DOCK6: variants seen among roughly 807,000 people sequenced by gnomAD.
The protein encoded by DOCK6 is dedicator of cytokinesis 6.
In DOCK6, 167 loss-of-function variants were observed where a neutral mutation model predicts 230.3. The ratio of observed to expected loss-of-function variants is 0.73; its 90% CI spans 0.64 to 0.82. DOCK6 has a LOEUF of 0.82. Ranked by LOEUF, DOCK6 falls within the 40% of genes least tolerant of loss-of-function variation. DOCK6 has a pLI of 0.00. For missense variants in DOCK6, 2,598 were observed against 2,825.8 expected, an observed-to-expected ratio of 0.92 and a Z score of 1.83; for synonymous variants, 1,148 against 1,185.0, an observed-to-expected ratio of 0.97 and a Z score of 0.64.
In DOCK6 at chr19:11,215,785, T is replaced by A. The variant is rs1244033031; in HGVS notation, c.4021+16A>T. On this transcript the variant is annotated intron_variant, in intron 31 of 47. Transcript: ENST00000294618. ...AGCTGGTGGGATGGGGACACGTGGGTATGTCACCCTCTTACCACGACTTCG... is the reference window on the plus strand; with the variant it reads ...AGCTGGTGGGATGGGGACACGTGGGAATGTCACCCTCTTACCACGACTTCG... The A allele has an allele frequency of 6.2e-7, 1 of 1,613,886 alleles. No individual in the cohort carries two copies. Among genetic ancestry groups the A allele is most frequent in the South Asian group, 1.1e-5 (1 of 91,074 alleles).
Position 11,200,784 on chromosome 19 carries a change from G to C in DOCK6, c.5871C>G (p.Ile1957Met). 1.9e-6 allele frequency: 3 copies of C among 1,613,428 alleles called. No homozygotes were observed. The East Asian group carries it at 6.7e-5, about 36-fold the overall frequency. The change falls in exon 46 of 48, where the codon ATC becomes ATG. Residue 1957 changes from isoleucine (I) to methionine (M), a missense_variant. Transcript: ENST00000294618. The surrounding 1 kb of genome is among the most constrained non-coding windows in gnomAD (Gnocchi z 4.3). ...LEVAQVFLAE[I>M]PEDPKLFRHH... is the part of the protein sequence containing the mutation. ...GCCGGAAGAGCTTGGGGTCTTCCGG[G>C]ATCTCTGCTAAAAACACCTGGGCCA... is the stretch of plus-strand genomic sequence containing the variant.
At chr19:11,237,335 G>C (rs1238533659) in intron 18 of DOCK6, 121 bp downstream of exon 18, 4 of 1,014,324 alleles carry the variant, frequency 3.9e-6, no homozygotes, top group Non-Finnish European at 6.1e-6. Context: ...AGCTACACGG[G>C]GGCCCTGGAG....
Position 11,200,836 on chromosome 19 carries a change from G to A in DOCK6, c.5833-14C>T, listed in dbSNP as rs1356387636. On this transcript the variant is annotated splice_polypyrimidine_tract_variant and intron_variant, in intron 45 of 47. Coordinates refer to ENST00000294618, the MANE Select transcript of DOCK6 (RefSeq NM_020812.4). The surrounding 1 kb of genome is among the most constrained non-coding windows in gnomAD (Gnocchi z 4.3). ...CTCCAGGGGACCCTGTGGGGTGAGAGGGACTGGTGAGCCAGCCTGCATGGC... is the reference window on the plus strand; with the variant it reads ...CTCCAGGGGACCCTGTGGGGTGAGAAGGACTGGTGAGCCAGCCTGCATGGC... The A allele has an allele frequency of 1.2e-6, 2 of 1,612,766 alleles. No homozygotes were observed. Among genetic ancestry groups the A allele is most frequent in the Non-Finnish European group, 1.7e-6 (2 of 1,178,866 alleles).
intron 31 of DOCK6, 152 bp from the exon 32 acceptor site, chr19:11,215,623 A>G: frequency 1.5e-6 from 2 of 1,311,670 alleles, no homozygotes; most frequent in South Asian, 2.7e-5. Context: ...GCACAGGGGC[A>G]AACACGAGTG....
At position 11,262,430 on chromosome 19, in the gene DOCK6, G is replaced by A; in HGVS notation, c.11C>T (p.Ser4Phe). 1 of 1,253,742 alleles carries A rather than the reference G, an allele frequency of 8.0e-7. No individual in the cohort carries two copies. The allele number at this position is 1,253,742 out of a possible 1,614,324, so 77.7% of individuals were successfully genotyped here. A position where few individuals can be genotyped will look rare whatever the true frequency, so the allele number is the denominator to read the frequency against. The change falls in exon 1 of 48, where the codon TCC becomes TTC. Residue 4 changes from serine (S) to phenylalanine (F), a missense_variant. Ser to Phe is a radical substitution (Grantham distance 155). Coordinates refer to ENST00000294618, the MANE Select transcript of DOCK6 (RefSeq NM_020812.4). ...CTTGTGCGCGAAGGCGCGGCGCTCG[G>A]AGGCAGCCATGGTCCTCGCGTCCCG... MAA[S>F]ERRAFAHKIN...
chr19:11,215,866 G>T lies in DOCK6; in HGVS notation c.3956C>A (p.Ala1319Glu). The T allele has an allele frequency of 6.2e-7, 1 of 1,613,880 alleles. No individual in the cohort carries two copies. The highest frequency in any genetic ancestry group is 8.5e-7 in the Non-Finnish European group (1 of 1,179,866). ...LTFKKSLDMK[A>E]RLEEAILGTI... is the part of the protein sequence containing the mutation. ...ACCCAGAATGGCTTCCTCTAGCCGC[G>T]CCTTCATATCCAGAGATTTTTTGAA... The change falls in exon 31 of 48, where the codon GCG becomes GAG. Residue 1319 changes from alanine to glutamate, a missense_variant. Physicochemically the swap from Ala to Glu is moderately radical, Grantham distance 107. Transcript: ENST00000294618.
intron 37 of DOCK6, among the ~76,000 whole-genome samples, chr19:11,210,720 T>C (rs535155522): frequency 7.8e-6 from 1 of 127,672 alleles, no homozygotes; most frequent in Non-Finnish European, 1.7e-5. Context: ...TGTCCATCCT[T>C]TCACTGTCTC....
chr19:11,221,766 C>T, intron 28 of DOCK6, 85 bp downstream of exon 28: 7 of 1,595,452 alleles, frequency 4.4e-6, no homozygotes, highest in Non-Finnish European at 4.3e-6. Context: ...ATACCAGTGA[C>T]TGTGTTCTCC....
chr19:11,262,462 C>T lies in DOCK6; in HGVS notation c.-22G>A, dbSNP rs1295276195. 1.7e-6 allele frequency: 2 copies of T among 1,166,940 alleles called. No individual in the cohort carries two copies. The highest frequency in any genetic ancestry group is 1.6e-5 in the African/African-American group (1 of 61,668). 72.3% of individuals were successfully genotyped at this position (1,166,940 alleles called of 1,614,324 possible). On this transcript the variant is annotated 5_prime_UTR_variant, in exon 1 of 48. Transcript: ENST00000294618. ...CCATGGTCCTCGCGTCCCGCCGCCG[C>T]CGCCCCGGGCCCCGGCCCCGCCGCC...
At position 11,221,922 on chromosome 19, in the gene DOCK6, C is replaced by G. The variant is rs778082263; in HGVS notation, c.3479G>C (p.Arg1160Pro). The change falls in exon 28 of 48, where the codon CGT (arginine) becomes CCT (proline). Residue 1160 changes from arginine to proline, a missense_variant. Physicochemically the swap from Arg to Pro is moderately radical, Grantham distance 103 (BLOSUM62 -2). Transcript: ENST00000294618. ...PRYAEATVKA[R>P]VAELYLPLLS... ...CAGTGGCAGGTACAGCTCGGCCACA[C>G]GAGCCTTCACAGTGGCCTCGGCGTA... The G allele has an allele frequency of 6.2e-7, 1 of 1,613,294 alleles. No individual in the cohort carries two copies. Among genetic ancestry groups the G allele is most frequent in the Middle Eastern group, 1.6e-4 (1 of 6,084 alleles).
intron 1 of DOCK6, among the ~76,000 whole-genome samples, chr19:11,261,952 A>G (rs1305408578): frequency 6.6e-6 from 1 of 152,002 alleles, no homozygotes; most frequent in Non-Finnish European, 1.5e-5. Flanking sequence ...CAAATCTCAG[A>G]GCCTGGAGCC....
At chr19:11,206,937 C>T (rs574681695) in intron 39 of DOCK6, among the ~76,000 whole-genome samples, 3 of 151,976 alleles carry the variant, frequency 2.0e-5, no homozygotes, top group Non-Finnish European at 2.9e-5. Context: ...CTCCGCCTCC[C>T]GGGTTCAAGC....
At chr19:11,214,215 G>C in intron 34 of DOCK6, 60 bp downstream of exon 34, 1 of 1,526,234 alleles carries the variant, frequency 6.6e-7, no homozygotes, top group South Asian at 1.2e-5. Flanking sequence ...ATGAGCCACT[G>C]TGCTCAGCCT....
rs986413382 is a variant in DOCK6 at position 11,200,171 on chromosome 19, C to A, written c.6101+137G>T. 181 of 862,206 alleles carry A rather than the reference C, an allele frequency of 2.1e-4. No individual in the cohort carries two copies. Among genetic ancestry groups the A allele is most frequent in the South Asian group, 2.7e-4 (12 of 44,558 alleles). 53.4% of individuals were successfully genotyped at this position (862,206 alleles called of 1,614,324 possible). A position where few individuals can be genotyped will look rare whatever the true frequency, so the allele number is the denominator to read the frequency against. ...CTCAAAAAAAAAAACAAAAAAAAAACCGGAAACAAAACAAAGTCCAAGCTA... is the reference window on the plus strand; with the variant it reads ...CTCAAAAAAAAAAACAAAAAAAAAAACGGAAACAAAACAAAGTCCAAGCTA... On this transcript the variant is annotated intron_variant, in intron 47 of 47. Coordinates refer to ENST00000294618, the MANE Select transcript of DOCK6 (RefSeq NM_020812.4). This position sits in a 1 kb window ranked among gnomAD's most constrained non-coding sequence, Gnocchi z 4.3.
At position 11,253,735 on chromosome 19, in the gene DOCK6, A is replaced by G; in HGVS notation, c.45-9T>C. On this transcript the variant is annotated splice_polypyrimidine_tract_variant and intron_variant, in intron 1 of 47. Transcript: ENST00000294618. The stretch of plus-strand genomic sequence containing the variant: ...CCTCTGCGGCCACCGTCCTGGAAAG[A>G]TAGGGAGGGGGCCATTGGGGACGGG... 1 of 1,473,232 alleles carries G rather than the reference A, an allele frequency of 6.8e-7. No homozygotes were observed. Among genetic ancestry groups the G allele is most frequent in the Non-Finnish European group, 8.9e-7 (1 of 1,117,886 alleles). 91.3% of individuals were successfully genotyped at this position (1,473,232 alleles called of 1,614,324 possible).
In DOCK6 at chr19:11,208,931, C is replaced by T. The variant is rs773424609; in HGVS notation, c.4924G>A (p.Val1642Met). The T allele has an allele frequency of 2.1e-5, 34 of 1,596,670 alleles. No individual in the cohort carries two copies. Among genetic ancestry groups the T allele is most frequent in the African/African-American group, 5.4e-5 (4 of 74,528 alleles). ...ALLEDHRHLPVGCVSFQNISS... is the reference protein window; with the variant it reads ...ALLEDHRHLPMGCVSFQNISS... ...CTCACCTGGAAGGAAACGCAGCCCA[C>T]GGGCAGGTGGCGGTGGTCCTCGAGC... The change falls in exon 38 of 48, where the codon GTG becomes ATG. Residue 1642 changes from valine to methionine, a missense_variant. Transcript: ENST00000294618.
rs1428617127 is a variant in DOCK6 at position 11,252,210 on chromosome 19, G to A, written c.416C>T (p.Thr139Ile). 6.3e-7 allele frequency: 1 copy of A among 1,583,248 alleles called. No homozygotes were observed. Among genetic ancestry groups the A allele is most frequent in the South Asian group, 1.2e-5 (1 of 86,778 alleles). The change falls in exon 5 of 48, where the codon ACA becomes ATA. Residue 139 changes from threonine to isoleucine, a missense_variant. Thr to Ile is a moderately conservative substitution (Grantham distance 89). Transcript: ENST00000294618. ...YLSAAYSPVTTDTQRERQKGL... is the reference protein window; with the variant it reads ...YLSAAYSPVTIDTQRERQKGL... ...CTTCTGTCGCTCCCGCTGTGTGTCTGTGGTGACGGGGCTGTATGCTGCACT... is the reference window on the plus strand; with the variant it reads ...CTTCTGTCGCTCCCGCTGTGTGTCTATGGTGACGGGGCTGTATGCTGCACT...
At chr19:11,252,328 T>C in intron 4 of DOCK6, 80 bp from the exon 5 acceptor site, 2 of 1,567,556 alleles carry the variant, frequency 1.3e-6, no homozygotes, top group Middle Eastern at 1.7e-4. Flanking sequence ...CACACCTACA[T>C]GGCACCTTCA....
chr19:11,244,880 C>G (rs185397437), intron 9 of DOCK6, among the ~76,000 whole-genome samples: 1 of 152,302 alleles, frequency 6.6e-6, no homozygotes, highest in African/African-American at 2.4e-5. Flanking sequence ...AGTTGTGAGT[C>G]ACTGTGCCTG....
Sources: allele counts gnomAD v4.1 joint callset (sites outside exome capture counted in the v4.1 genomes callset), GRCh38; gene constraint gnomAD v4.1.1; non-coding constraint Gnocchi (gnomAD v3.1); transcripts MANE v1.5; gene names NCBI Gene and HGNC (gene_info 2026-07-23, HGNC 2026-07-21).